GRIK4: variants seen among roughly 807,000 people sequenced by gnomAD.
GRIK4 encodes the protein glutamate ionotropic receptor kainate type subunit 4.
GRIK4 carries 40 observed loss-of-function variants against 104.9 expected under a neutral mutation model. That is an observed-to-expected ratio of 0.38 (90% CI 0.30 to 0.50). The LOEUF is 0.50. Among genes scored for constraint, GRIK4 ranks in the 20% least tolerant of loss-of-function variants. GRIK4 has a pLI of 0.93. For synonymous variants in GRIK4, 485 were observed against 524.9 expected (o/e 0.92, Z 1.04); for missense variants, 1,047 against 1,308.1 (o/e 0.80, Z 3.08).
Position 120,702,131 on chromosome 11 carries a change from T to C in GRIK4, c.82+41731T>C, listed in dbSNP as rs550688971. 2.0e-3 allele frequency among the ~76,000 whole-genome samples: 305 copies of C among 152,242 alleles called. 4 individuals are homozygous for C. Among genetic ancestry groups the C allele is most frequent in the Non-Finnish European group, 2.6e-3 (176 of 68,010 alleles). On this transcript the variant is annotated intron_variant, in intron 3 of 20. Coordinates refer to ENST00000527524, the MANE Select transcript of GRIK4 (RefSeq NM_014619.5). ...CCACCACGCCTGGCTAATTTTTGTA[T>C]TTTTAGTAGAGATGGGGTTTCACCA...
chr11:120,802,872 C>T lies in GRIK4; in HGVS notation c.247+15C>T, dbSNP rs1952646790. The T allele has an allele frequency of 2.5e-6, 4 of 1,610,202 alleles. No individual in the cohort carries two copies. In the East Asian group the frequency reaches 8.9e-5, roughly 36 times the overall value. On this transcript the variant is annotated intron_variant, in intron 4 of 20. Transcript: ENST00000527524. ...TGCAGAAACCAGTACGTAGACTGGGCAGGGCTGCCTCTTCCCTTGCTGGCA... is the reference window on the plus strand; with the variant it reads ...TGCAGAAACCAGTACGTAGACTGGGTAGGGCTGCCTCTTCCCTTGCTGGCA...
intron 3 of GRIK4, among the ~76,000 whole-genome samples, chr11:120,710,997 T>TGGGGGGGGGGGGG (rs139734821): frequency 3.2e-5 from 4 of 124,844 alleles, no homozygotes; most frequent in African/African-American, 1.1e-4. Context: ...CCCTGTGAGG[T>TGGGGGGGGGGGGG]GGGGAGGGGG....
chr11:120,765,558 CA>C (rs1279708862), intron 3 of GRIK4, among the ~76,000 whole-genome samples: 8 of 152,140 alleles, frequency 5.3e-5, no homozygotes, highest in Non-Finnish European at 1.2e-4. Flanking sequence ...TTGGAATTTT[CA>C]GCCTTTTTGT....
Position 120,985,990 on chromosome 11 carries a change from A to G in GRIK4, c.2601A>G (p.Ala867=). The change falls in exon 21 of 21, where the codon GCA becomes GCG. Residue 867 remains alanine (A), a synonymous_variant. Coordinates refer to ENST00000527524, the MANE Select transcript of GRIK4 (RefSeq NM_014619.5). ...TCCACCCCCGCCGGCGGCGCGCCGC[A>G]GTCCCGCCGCCCCGGCCCCCCATCC... The part of the protein sequence containing the change: ...DSIHPRRRRA[A]VPPPRPPIPE... The G allele has an allele frequency of 6.5e-7, 1 of 1,532,130 alleles. No homozygotes were observed. The highest frequency in any genetic ancestry group is 8.8e-7 in the Non-Finnish European group (1 of 1,139,750). 94.9% of individuals were successfully genotyped at this position (1,532,130 alleles called of 1,614,324 possible).
chr11:120,818,081 C>G (rs536555523), intron 5 of GRIK4, among the ~76,000 whole-genome samples: 8 of 152,340 alleles, frequency 5.3e-5, no homozygotes, highest in Admixed American at 2.0e-4. Flanking sequence ...GACTCCAAAA[C>G]CCATTTGTTC....
At chr11:120,534,404 T>C (rs1215965241) in intron 1 of GRIK4, among the ~76,000 whole-genome samples, 1 of 151,632 alleles carries the variant, frequency 6.6e-6, no homozygotes, top group Non-Finnish European at 1.5e-5. Context: ...GGCTGGGGAT[T>C]TTGAAATTAG....
chr11:120,815,605 T>C (rs1201824478), intron 5 of GRIK4, 130 bp downstream of exon 5: 1 of 563,724 alleles, frequency 1.8e-6, no homozygotes, highest in South Asian at 2.5e-5. Flanking sequence ...AACAACAACA[T>C]AAATACAAAT....
intron 1 of GRIK4, among the ~76,000 whole-genome samples, chr11:120,561,651 C>T (rs1465381240): frequency 2.0e-5 from 3 of 152,170 alleles, no homozygotes; most frequent in Non-Finnish European, 2.9e-5. Flanking sequence ...GCCTAGGGGT[C>T]GGGAAACAGC....
intron 1 of GRIK4, among the ~76,000 whole-genome samples, chr11:120,533,915 G>A (rs369817969): frequency 1.7e-4 from 26 of 152,222 alleles, no homozygotes; most frequent in South Asian, 1.2e-3. Flanking sequence ...AACTTTATTC[G>A]GAAAGCAACT....
chr11:120,822,298 T>C (rs1335594263), intron 6 of GRIK4, among the ~76,000 whole-genome samples: 1 of 151,604 alleles, frequency 6.6e-6, no homozygotes, highest in African/African-American at 2.4e-5. Flanking sequence ...GAAAGGGGTT[T>C]GGCAAGAAAT....
chr11:120,905,346 C>T lies in GRIK4; in HGVS notation c.1329C>T (p.Arg443=), dbSNP rs750626569. The T allele has an allele frequency of 6.2e-7, 1 of 1,614,110 alleles. No individual in the cohort carries two copies. Among genetic ancestry groups the T allele is most frequent in the South Asian group, 1.1e-5 (1 of 91,084 alleles). ...GNHQEMEGND[R]YEGFCVDMLK... The stretch of plus-strand genomic sequence containing the variant: ...ACCAGGAGATGGAAGGCAATGACCG[C>T]TACGAGGGCTTCTGTGTGGACATGC... Residue 443 remains arginine, a synonymous_variant, in exon 13 of 21, where the codon CGC becomes CGT. Coordinates refer to ENST00000527524, the MANE Select transcript of GRIK4 (RefSeq NM_014619.5). This position sits in a 1 kb window ranked among gnomAD's most constrained non-coding sequence, Gnocchi z 5.1.
chr11:120,824,085 C>T (rs1055482962), intron 6 of GRIK4, among the ~76,000 whole-genome samples: 3 of 152,204 alleles, frequency 2.0e-5, no homozygotes, highest in South Asian at 2.1e-4. Flanking sequence ...GAATCTAATT[C>T]TATTTTCCAG....
chr11:120,534,775 G>A (rs1197187074), intron 1 of GRIK4, among the ~76,000 whole-genome samples: 1 of 152,188 alleles, frequency 6.6e-6, no homozygotes, highest in African/African-American at 2.4e-5. Context: ...ACAGGCAGAT[G>A]GCCTCTGCAG....
At chr11:120,799,333 G>T (rs1479599925) in intron 3 of GRIK4, among the ~76,000 whole-genome samples, 1 of 152,166 alleles carries the variant, frequency 6.6e-6, no homozygotes, top group African/African-American at 2.4e-5. Context: ...AAGGGAGGAG[G>T]GGGAGTTACC....
At chr11:120,874,338 C>T (rs1206443171) in intron 10 of GRIK4, 120 bp downstream of exon 10, 5 of 758,342 alleles carry the variant, frequency 6.6e-6, no homozygotes, top group Admixed American at 2.5e-5. Context: ...TATTACAGCC[C>T]CAGATAAATC....
intron 1 of GRIK4, among the ~76,000 whole-genome samples, chr11:120,650,517 A>G (rs985858621): frequency 6.6e-6 from 1 of 152,170 alleles, no homozygotes; most frequent in Non-Finnish European, 1.5e-5. Flanking sequence ...AGACCTGGCT[A>G]ACTCAAGTCA....
At chr11:120,662,877 T>C (rs1431995612) in intron 3 of GRIK4, among the ~76,000 whole-genome samples, 2 of 152,100 alleles carry the variant, frequency 1.3e-5, no homozygotes, top group East Asian at 3.8e-4. Context: ...ATATGGATGT[T>C]TGGAAAGAGG....
In GRIK4 at chr11:120,988,118, C is replaced by A. The variant is rs1944786889; in HGVS notation, c.*1858C>A. On this transcript the variant is annotated 3_prime_UTR_variant, in exon 21 of 21. Coordinates refer to ENST00000527524, the MANE Select transcript of GRIK4 (RefSeq NM_014619.5). ...TGCCGTCCTGGGGGCCAAATGGTAC[C>A]CTGATTATTCCTGTGAGGGATACTC... 2 of 152,212 alleles carry A rather than the reference C, an allele frequency of 1.3e-5. No individual in the cohort carries two copies. The highest frequency in any genetic ancestry group is 4.1e-4 in the South Asian group (2 of 4,832). 9.4% of individuals were successfully genotyped at this position (152,212 alleles called of 1,614,324 possible).
chr11:120,691,958 C>A (rs181753418), intron 3 of GRIK4, among the ~76,000 whole-genome samples: 1 of 152,190 alleles, frequency 6.6e-6, no homozygotes, highest in African/African-American at 2.4e-5. Flanking sequence ...TCCTTTGCTG[C>A]GCCTGATTAG....
Sources: allele counts gnomAD v4.1 joint callset (sites outside exome capture counted in the v4.1 genomes callset), GRCh38; gene constraint gnomAD v4.1.1; non-coding constraint Gnocchi (gnomAD v3.1); transcripts MANE v1.5; gene names NCBI Gene and HGNC (gene_info 2026-07-23, HGNC 2026-07-21).